Variants in NEO1 observed in about 807,000 individuals in gnomAD.
NEO1 encodes the protein neogenin 1, also known as neogenin.
NEO1 carries 63 observed loss-of-function variants against 159.7 expected under a neutral mutation model. That is an observed-to-expected ratio of 0.39 (90% CI 0.32 to 0.49). The LOEUF is 0.49. Ranked by LOEUF, NEO1 falls within the 20% of genes least tolerant of loss-of-function variation. The pLI, the probability that NEO1 is intolerant of heterozygous loss-of-function variation, is 0.85. For synonymous variants in NEO1, 633 were observed against 662.0 expected (o/e 0.96, Z 0.67); for missense variants, 1,615 against 1,831.0 (o/e 0.88, Z 2.15).
chr15:73,200,201 T>G (rs1026437030), intron 7 of NEO1, among the ~76,000 whole-genome samples: 12 of 152,176 alleles, frequency 7.9e-5, no homozygotes, highest in Admixed American at 2.0e-4. Flanking sequence ...TAATTATTGA[T>G]TAAGTTTGTT....
intron 5 of NEO1, chr15:73,162,088 T>C: frequency 4.5e-6 from 1 of 220,568 alleles, no homozygotes; most frequent in Non-Finnish European, 9.4e-6. Flanking sequence ...ATTTCTTCAG[T>C]GGAGCTTATT....
At chr15:73,112,342 C>G (rs1466143788) in intron 1 of NEO1, among the ~76,000 whole-genome samples, 2 of 152,070 alleles carry the variant, frequency 1.3e-5, no homozygotes, top group African/African-American at 4.8e-5. Flanking sequence ...AGCAGTTTAA[C>G]CTTTTAAATT....
chr15:73,292,873 T>A (rs1053248040), intron 25 of NEO1, among the ~76,000 whole-genome samples: 6 of 152,226 alleles, frequency 3.9e-5, no homozygotes, highest in Non-Finnish European at 5.9e-5. Flanking sequence ...AAATACCCAT[T>A]AAATGCTTCA....
intron 7 of NEO1, among the ~76,000 whole-genome samples, chr15:73,193,664 G>A (rs540867422): frequency 2.1e-4 from 32 of 149,844 alleles, no homozygotes; most frequent in African/African-American, 5.7e-4. Flanking sequence ...ACTTTTAGTA[G>A]TATCTGGTTG....
At position 73,117,754 on chromosome 15, in the gene NEO1, A is replaced by G. The variant is rs982288154; in HGVS notation, c.448+897A>G. ...TTTGGGGACAAATACTCAAAGTTGA[A>G]TTTGGGTGTGACAAAGTTTCTGTAA... On this transcript the variant is annotated intron_variant, in intron 2 of 28. Transcript: ENST00000261908. 3.9e-4 allele frequency among the ~76,000 whole-genome samples: 59 copies of G among 152,284 alleles called. 1 individual carries two copies. Among genetic ancestry groups the G allele is most frequent in the Admixed American group, 2.4e-3 (36 of 15,294 alleles).
In NEO1 at chr15:73,257,132, C is replaced by CAAAAAAAAAAAAAA. The variant is rs10623334; in HGVS notation, c.2093-1626_2093-1613dup. On this transcript the variant is annotated intron_variant, in intron 13 of 28. Coordinates refer to ENST00000261908, the MANE Select transcript of NEO1 (RefSeq NM_002499.4). ...GGGCAACAGAGAGAGACTCTGTCTC[C>CAAAAAAAAAAAAAA]AAAAAAAAAAAAAAAAAAAAAGTTT... is the stretch of plus-strand genomic sequence containing the variant. Among the ~76,000 whole-genome samples the CAAAAAAAAAAAAAA allele has an allele frequency of 2.9e-3, 157 of 54,756 alleles. 14 individuals are homozygous for CAAAAAAAAAAAAAA. The highest frequency in any genetic ancestry group is 8.8e-3 in the African/African-American group (151 of 17,170). 35.9% of individuals were successfully genotyped at this position (54,756 alleles called of 152,430 possible). A position where few individuals can be genotyped will look rare whatever the true frequency, so the allele number is the denominator to read the frequency against.
At chr15:73,207,098 C>T (rs1395624552) in intron 7 of NEO1, among the ~76,000 whole-genome samples, 1 of 152,180 alleles carries the variant, frequency 6.6e-6, no homozygotes, top group Non-Finnish European at 1.5e-5. Flanking sequence ...ACAAGTATGG[C>T]TCAATCCAGC....
chr15:73,278,593 G>A (rs1049154757), intron 22 of NEO1, among the ~76,000 whole-genome samples: 1 of 152,082 alleles, frequency 6.6e-6, no homozygotes, highest in Admixed American at 6.6e-5. Flanking sequence ...TTTTAGTTTA[G>A]CAATTCTAGA....
intron 8 of NEO1, among the ~76,000 whole-genome samples, chr15:73,243,670 T>G (rs1392944435): frequency 6.6e-6 from 1 of 152,236 alleles, no homozygotes; most frequent in Non-Finnish European, 1.5e-5. Context: ...TAAGCTTTCA[T>G]CTCATGATAT....
chr15:73,257,662 A>G (rs575412480), intron 13 of NEO1, among the ~76,000 whole-genome samples: 1 of 152,276 alleles, frequency 6.6e-6, no homozygotes, highest in East Asian at 1.9e-4. Flanking sequence ...TGTATTGTAT[A>G]CCTTAGTTGT....
At chr15:73,099,958 T>C (rs2070306182) in intron 1 of NEO1, among the ~76,000 whole-genome samples, 1 of 152,212 alleles carries the variant, frequency 6.6e-6, no homozygotes, top group African/African-American at 2.4e-5. Flanking sequence ...TTCACTATCA[T>C]TTGTATACTT....
At position 73,301,356 on chromosome 15, in the gene NEO1, T is replaced by C. The variant is rs375712506; in HGVS notation, c.4201T>C (p.Ser1401Pro). Residue 1401 changes from serine (S) to proline (P), a missense_variant, in exon 28 of 29, where the codon TCC becomes CCC. By Grantham distance (74) the Ser-to-Pro change is moderately conservative. Transcript: ENST00000261908. ...TCACATTCACTCAGTGAAGACAGCC[T>C]CCATCGGGACTCTAGGAAGGAGCCG... is the stretch of plus-strand genomic sequence containing the variant. ...NHHIHSVKTA[S>P]IGTLGRSRPP... The C allele has an allele frequency of 9.3e-6, 15 of 1,614,018 alleles. No individual in the cohort carries two copies. Among genetic ancestry groups the C allele is most frequent in the Non-Finnish European group, 1.3e-5 (15 of 1,180,026 alleles).
At chr15:73,158,590 TTG>T (rs1372716151) in intron 5 of NEO1, among the ~76,000 whole-genome samples, 12 of 152,092 alleles carry the variant, frequency 7.9e-5, no homozygotes, top group African/African-American at 2.9e-4. Context: ...CGATCTCACT[TTG>T]TTACCCAGGC....
intron 1 of NEO1, among the ~76,000 whole-genome samples, chr15:73,097,157 C>T (rs1317974981): frequency 6.6e-6 from 1 of 152,028 alleles, no homozygotes; most frequent in African/African-American, 2.4e-5. Flanking sequence ...GTAAAAAAGA[C>T]TGCACTGAGA....
chr15:73,210,849 G>A (rs531825509), intron 7 of NEO1, among the ~76,000 whole-genome samples: 9 of 152,166 alleles, frequency 5.9e-5, no homozygotes, highest in South Asian at 4.2e-4. Context: ...GTTTATTTAC[G>A]CACTATATAA....
intron 1 of NEO1, among the ~76,000 whole-genome samples, chr15:73,091,273 TG>T (rs769412054): frequency 6.6e-6 from 1 of 152,232 alleles, no homozygotes; most frequent in Non-Finnish European, 1.5e-5. Flanking sequence ...TGAGGTACTA[TG>T]GACATTGGTA....
chr15:73,258,548 C>T (rs1336173276), intron 13 of NEO1, among the ~76,000 whole-genome samples: 2 of 152,110 alleles, frequency 1.3e-5, no homozygotes, highest in Non-Finnish European at 2.9e-5. Flanking sequence ...TTCTGTTTTC[C>T]TCTTAGATTG....
intron 5 of NEO1, among the ~76,000 whole-genome samples, chr15:73,157,124 G>A (rs1374047879): frequency 6.6e-6 from 1 of 152,170 alleles, no homozygotes; most frequent in Non-Finnish European, 1.5e-5. Flanking sequence ...CAGGGCCTTA[G>A]GAGATACAAC....
intron 26 of NEO1, 169 bp from the exon 27 acceptor site, chr15:73,298,174 TTCGAG>T: frequency 1.4e-6 from 1 of 738,484 alleles, no homozygotes; most frequent in Non-Finnish European, 2.2e-6. Flanking sequence ...TACAAAATTG[TTCGAG>T]ACTCCATTCT....
Sources: allele counts gnomAD v4.1 joint callset (sites outside exome capture counted in the v4.1 genomes callset), GRCh38; gene constraint gnomAD v4.1.1; transcripts MANE v1.5; gene names NCBI Gene and HGNC (gene_info 2026-07-23, HGNC 2026-07-21).